ABCA10: variants seen among roughly 807,000 people sequenced by gnomAD.
ABCA10 encodes ATP-binding cassette sub-family A member 10.
In ABCA10, 169 loss-of-function variants were observed where a neutral mutation model predicts 187.5. That is an observed-to-expected ratio of 0.90 (90% CI 0.80 to 1.02). ABCA10 has a LOEUF of 1.02. Ranked by LOEUF, ABCA10 falls within the 50% of genes least tolerant of loss-of-function variation. The pLI, the probability that ABCA10 is intolerant of heterozygous loss-of-function variation, is 0.00. For missense variants in ABCA10, 1,727 were observed against 1,812.4 expected (o/e 0.95, Z 0.86); for synonymous variants, 574 against 601.8 (o/e 0.95, Z 0.68).
In ABCA10 at chr17:69,148,230, T is replaced by C. The variant is rs187416231; in HGVS notation, c.*597A>G. 2.0e-5 allele frequency: 3 copies of C among 152,350 alleles called. No individual in the cohort carries two copies. Among genetic ancestry groups the C allele is most frequent in the Non-Finnish European group, 2.9e-5 (2 of 68,076 alleles). 9.4% of individuals were successfully genotyped at this position (152,350 alleles called of 1,614,324 possible). On this transcript the variant is annotated 3_prime_UTR_variant, in exon 39 of 39. Transcript: ENST00000690296. ...TGAAAAAGGATCCATAAAAAATACA[T>C]TGAATATAAGTTGGCTAAAGAAAAT... is the stretch of plus-strand genomic sequence containing the variant.
intron 22 of ABCA10, among the ~76,000 whole-genome samples, chr17:69,177,623 A>G (rs570551095): frequency 1.1e-4 from 16 of 152,104 alleles, no homozygotes; most frequent in Non-Finnish European, 2.1e-4. Context: ...ACTTAAGTAT[A>G]TCAACTTCAG....
Position 69,185,460 on chromosome 17 carries a change from T to C in ABCA10, c.2497+17A>G, listed in dbSNP as rs2074413937. ...TGATAATAAAAACTCACACTAAATT[T>C]CAGCCCCATTTCTCACCTGTATTAT... On this transcript the variant is annotated intron_variant, in intron 20 of 38. Coordinates refer to ENST00000690296, the MANE Select transcript of ABCA10 (RefSeq NM_001377321.1). 6.3e-7 allele frequency: 1 copy of C among 1,594,858 alleles called. No homozygotes were observed. Among genetic ancestry groups the C allele is most frequent in the Non-Finnish European group, 8.5e-7 (1 of 1,169,664 alleles).
chr17:69,241,355 C>G (rs933561130), intron 1 of ABCA10, among the ~76,000 whole-genome samples: 3 of 152,178 alleles, frequency 2.0e-5, no homozygotes, highest in Non-Finnish European at 2.9e-5. Context: ...AATGCAATGG[C>G]CTCCTAACAG....
chr17:69,235,704 C>G (rs1228637384), intron 1 of ABCA10, among the ~76,000 whole-genome samples: 1 of 151,882 alleles, frequency 6.6e-6, no homozygotes, highest in Non-Finnish European at 1.5e-5. Flanking sequence ...AGGCACCCAC[C>G]CACACCTTGC....
At chr17:69,187,606 A>G in intron 19 of ABCA10, 75 bp downstream of exon 19, 1 of 1,404,418 alleles carries the variant, frequency 7.1e-7, no homozygotes, top group Non-Finnish European at 9.6e-7. Flanking sequence ...GAATAAATTA[A>G]TATATTTACT....
intron 29 of ABCA10, 127 bp downstream of exon 29, chr17:69,155,678 A>G: frequency 2.5e-6 from 3 of 1,224,250 alleles, no homozygotes; most frequent in Middle Eastern, 6.1e-4. Context: ...AATAATTTGA[A>G]TATAAGCTAT....
intron 36 of ABCA10, chr17:69,150,494 C>CAAAAATTTT (rs1437610586): frequency 1.3e-5 from 2 of 154,760 alleles, no homozygotes; most frequent in African/African-American, 4.8e-5. Context: ...TTTTCTTGAC[C>CAAAAATTTT]TTCAGACCCC....
At chr17:69,198,095 C>G (rs2074519007) in intron 10 of ABCA10, among the ~76,000 whole-genome samples, 1 of 152,150 alleles carries the variant, frequency 6.6e-6, no homozygotes, top group Non-Finnish European at 1.5e-5. Flanking sequence ...AACTCTCTCT[C>G]TCTCCCTTTT....
chr17:69,200,067 T>C (rs1434044459), intron 10 of ABCA10, among the ~76,000 whole-genome samples: 1 of 152,222 alleles, frequency 6.6e-6, no homozygotes, highest in Non-Finnish European at 1.5e-5. Flanking sequence ...GTTGTCTCCT[T>C]CCTCATTTCC....
chr17:69,156,822 T>C lies in ABCA10; in HGVS notation c.3455+10A>G, dbSNP rs766699986. On this transcript the variant is annotated intron_variant, in intron 28 of 38. Coordinates refer to ENST00000690296, the MANE Select transcript of ABCA10 (RefSeq NM_001377321.1). ...GATTATATTCAGATCTCAATTAATA[T>C]TTTCCCAACCTGAAAACTGGGTCTT... 14 of 1,493,874 alleles carry C rather than the reference T, an allele frequency of 9.4e-6. No individual in the cohort carries two copies. The allele number at this position is 1,493,874 out of a possible 1,614,324, so 92.5% of individuals were successfully genotyped here. A position where few individuals can be genotyped will look rare whatever the true frequency, so the allele number is the denominator to read the frequency against.
intron 9 of ABCA10, among the ~76,000 whole-genome samples, chr17:69,202,866 T>C (rs369500151): frequency 4.7e-4 from 71 of 152,248 alleles, no homozygotes; most frequent in African/African-American, 1.6e-3. Context: ...ATCCACAAAA[T>C]AGGAATTTAT....
At chr17:69,164,588 A>G (rs2074241927) in intron 26 of ABCA10, among the ~76,000 whole-genome samples, 1 of 152,196 alleles carries the variant, frequency 6.6e-6, no homozygotes, top group Admixed American at 6.5e-5. Context: ...AAGTCCAATA[A>G]GATTTTAGAC....
intron 25 of ABCA10, 67 bp from the exon 26 acceptor site, chr17:69,165,150 G>T: frequency 7.7e-7 from 1 of 1,298,694 alleles, no homozygotes; most frequent in Non-Finnish European, 1.1e-6. Context: ...TATTTCCTGT[G>T]AATAACCTGT....
intron 10 of ABCA10, among the ~76,000 whole-genome samples, chr17:69,200,306 G>A (rs1484292393): frequency 6.6e-6 from 1 of 152,174 alleles, no homozygotes; most frequent in Non-Finnish European, 1.5e-5. Context: ...AGAAACTGAG[G>A]CATAGGAGGT....
chr17:69,183,644 C>A (rs915928051), intron 20 of ABCA10, among the ~76,000 whole-genome samples: 2 of 151,986 alleles, frequency 1.3e-5, no homozygotes, highest in South Asian at 2.1e-4. Context: ...GGAGCTAAGA[C>A]GAATTTAGAA....
intron 25 of ABCA10, among the ~76,000 whole-genome samples, chr17:69,173,983 CCTGAATGATCT>C (rs2144778758): frequency 6.6e-6 from 1 of 152,056 alleles, no homozygotes; most frequent in South Asian, 2.1e-4. Flanking sequence ...GAAGAAATGT[CCTGAATGATCT>C]AGTCTTTCAG....
At chr17:69,201,362 G>T (rs2074542815) in intron 10 of ABCA10, 138 bp downstream of exon 10, 6 of 762,162 alleles carry the variant, frequency 7.9e-6, no homozygotes, top group Non-Finnish European at 1.1e-5. Context: ...TGAAAATGGT[G>T]AATGAGAGGA....
chr17:69,231,389 G>A (rs1181361541), upstream of ABCA10, among the ~76,000 whole-genome samples: 1 of 152,028 alleles, frequency 6.6e-6, no homozygotes, highest in Admixed American at 6.6e-5. Context: ...CTACTTTTTT[G>A]ATGTAGGCAA....
At chr17:69,216,386 A>G (rs765311163) in intron 6 of ABCA10, 28 bp from the exon 7 acceptor site, 1 of 1,586,184 alleles carries the variant, frequency 6.3e-7, no homozygotes, top group East Asian at 2.2e-5. Flanking sequence ...TGTTAGTTCA[A>G]CTGTCACAAA....
Sources: allele counts gnomAD v4.1 joint callset (sites outside exome capture counted in the v4.1 genomes callset), GRCh38; gene constraint gnomAD v4.1.1; transcripts MANE v1.5; gene names NCBI Gene and HGNC (gene_info 2026-07-23, HGNC 2026-07-21).